The following UBL3 variants were observed in gnomAD, a reference collection of about 807,000 sequenced individuals.
UBL3 encodes the protein ubiquitin-like protein 3.
UBL3 carries 6 observed loss-of-function variants against 18.4 expected under a neutral mutation model. The observed-to-expected ratio is 0.33, with a 90% CI of 0.18 to 0.64. UBL3 has a LOEUF of 0.64. UBL3 is among the 30% of genes least tolerant of loss of function. The probability of loss-of-function intolerance (pLI) is 0.76; values close to 1 mark genes in which losing one functional copy is unlikely to be tolerated. For missense variants in UBL3, 109 were observed against 142.9 expected (o/e 0.76, Z 1.21); for synonymous variants, 49 against 46.6 (o/e 1.05, Z -0.21).
chr13:29,828,384 C>CT (rs769270223), intron 1 of UBL3, among the ~76,000 whole-genome samples: 32 of 152,190 alleles, frequency 2.1e-4, no homozygotes, highest in Admixed American at 1.0e-3. Flanking sequence ...GTTTTTTACT[C>CT]TTTTTTCTCT....
rs1385738849 is a variant in UBL3 at position 29,765,941 on chromosome 13, T to G, written c.*1314A>C. 1 of 152,600 alleles carries G rather than the reference T, an allele frequency of 6.6e-6. No homozygotes were observed. Among genetic ancestry groups the G allele is most frequent in the Non-Finnish European group, 1.5e-5 (1 of 67,992 alleles). The allele number at this position is 152,600 out of a possible 1,614,324, so 9.5% of individuals were successfully genotyped here. A position where few individuals can be genotyped will look rare whatever the true frequency, so the allele number is the denominator to read the frequency against. On this transcript the variant is annotated 3_prime_UTR_variant, in exon 5 of 5. Coordinates refer to ENST00000380680, the MANE Select transcript of UBL3 (RefSeq NM_007106.4). Reference sequence around the variant, plus strand: ...TTTTTATAAAGGCTAAACTTATTTATATGGAATATTGTTCTGTATACTACG... The same window carrying G: ...TTTTTATAAAGGCTAAACTTATTTAGATGGAATATTGTTCTGTATACTACG...
chr13:29,806,994 G>A (rs1484664832), intron 1 of UBL3, among the ~76,000 whole-genome samples: 1 of 151,872 alleles, frequency 6.6e-6, no homozygotes, highest in Non-Finnish European at 1.5e-5. Flanking sequence ...ATAATTATCA[G>A]TTATTCTAAT....
intron 1 of UBL3, among the ~76,000 whole-genome samples, chr13:29,828,993 A>G (rs989317608): frequency 6.6e-6 from 1 of 152,156 alleles, no homozygotes; most frequent in African/African-American, 2.4e-5. Flanking sequence ...AACAGCGAAT[A>G]TTGCTCAAAA....
At chr13:29,820,056 T>C (rs969569557) in intron 1 of UBL3, among the ~76,000 whole-genome samples, 1 of 152,204 alleles carries the variant, frequency 6.6e-6, no homozygotes, top group African/African-American at 2.4e-5. Flanking sequence ...TGGCTTTTTC[T>C]TTCTTTTCTG....
At chr13:29,798,749 A>G (rs1004610035) in intron 1 of UBL3, among the ~76,000 whole-genome samples, 4 of 152,230 alleles carry the variant, frequency 2.6e-5, no homozygotes, top group African/African-American at 7.2e-5. Context: ...TTCTTCTTAA[A>G]TGAGCAAAAT....
intron 2 of UBL3, among the ~76,000 whole-genome samples, chr13:29,775,018 G>A (rs1046312227): frequency 6.6e-6 from 1 of 152,134 alleles, no homozygotes; most frequent in Admixed American, 6.5e-5. Context: ...AGAAAACTGA[G>A]TAACAATTTG....
At chr13:29,812,689 T>C (rs371087580) in intron 1 of UBL3, among the ~76,000 whole-genome samples, 7 of 152,182 alleles carry the variant, frequency 4.6e-5, no homozygotes, top group Non-Finnish European at 8.8e-5. Context: ...GTTTGGAACT[T>C]GGATATATGA....
intron 1 of UBL3, among the ~76,000 whole-genome samples, chr13:29,832,399 C>G (rs748603210): frequency 5.3e-5 from 8 of 150,288 alleles, no homozygotes; most frequent in Admixed American, 4.7e-4. Flanking sequence ...GTGGCGCTAT[C>G]TCGGCTCACT....
At chr13:29,841,233 C>T (rs1021595750) in intron 1 of UBL3, among the ~76,000 whole-genome samples, 11 of 150,054 alleles carry the variant, frequency 7.3e-5, no homozygotes, top group Admixed American at 6.0e-4. Flanking sequence ...ACCAAAAATG[C>T]TACTAGATTT....
chr13:29,849,488 T>A, intron 1 of UBL3, 24 bp downstream of exon 1: 1 of 1,614,060 alleles, frequency 6.2e-7, no homozygotes, highest in Non-Finnish European at 8.5e-7. Flanking sequence ...ATTAAATCAG[T>A]GTCATAACTT....
At chr13:29,823,727 T>C (rs1180521486) in intron 1 of UBL3, among the ~76,000 whole-genome samples, 1 of 152,182 alleles carries the variant, frequency 6.6e-6, no homozygotes, top group African/African-American at 2.4e-5. Context: ...TTATTTTTAT[T>C]ATACTTTAAG....
In UBL3 at chr13:29,793,683, A is replaced by G. The variant is rs75820741; in HGVS notation, c.28-16420T>C. Among the ~76,000 whole-genome samples the G allele has an allele frequency of 9.6e-3, 1,466 of 152,294 alleles. 22 individuals carry two copies. The highest frequency in any genetic ancestry group is 0.034 in the African/African-American group (1,406 of 41,530). On this transcript the variant is annotated intron_variant, in intron 1 of 4. Transcript: ENST00000380680. ...TACAATCCTCAAGAATATGTGAGGG[A>G]TGCCAGAAGTTGCTACCATATATCA...
At chr13:29,837,987 T>G (rs180988476) in intron 1 of UBL3, among the ~76,000 whole-genome samples, 1 of 150,302 alleles carries the variant, frequency 6.7e-6, no homozygotes, top group African/African-American at 2.4e-5. Flanking sequence ...AAGCCAAAGA[T>G]TGACTCAGGA....
intron 2 of UBL3, among the ~76,000 whole-genome samples, chr13:29,775,484 T>G (rs1193609931): frequency 6.6e-6 from 1 of 152,184 alleles, no homozygotes; most frequent in Non-Finnish European, 1.5e-5. Flanking sequence ...CTTTAAAAGT[T>G]CAAATTGCTA....
intron 1 of UBL3, among the ~76,000 whole-genome samples, chr13:29,808,606 T>C (rs778334202): frequency 5.3e-5 from 8 of 152,152 alleles, no homozygotes; most frequent in Non-Finnish European, 7.4e-5. Flanking sequence ...TTTTCATATA[T>C]ATTAATTCTA....
chr13:29,843,881 A>G (rs1879169500), intron 1 of UBL3, among the ~76,000 whole-genome samples: 1 of 152,172 alleles, frequency 6.6e-6, no homozygotes, highest in Non-Finnish European at 1.5e-5. Flanking sequence ...TCCCAAACAC[A>G]TCCGCTAGAT....
intron 1 of UBL3, among the ~76,000 whole-genome samples, chr13:29,842,470 T>C (rs2139369550): frequency 6.6e-6 from 1 of 152,170 alleles, no homozygotes; most frequent in African/African-American, 2.4e-5. Flanking sequence ...TCCCATTCTC[T>C]TTTACTGACA....
chr13:29,767,572 C>T lies in UBL3; in HGVS notation c.301+46G>A, dbSNP rs369010149. ...AGAAAAACCTAGCATTTTTGAATGC[C>T]TGTCTTTGTGCCTCAACTGAGATAC... On this transcript the variant is annotated intron_variant, in intron 4 of 4. Coordinates refer to ENST00000380680, the MANE Select transcript of UBL3 (RefSeq NM_007106.4). The T allele has an allele frequency of 3.3e-5, 52 of 1,591,126 alleles. No homozygotes were observed. The African/African-American group carries it at 7.0e-4, about 21-fold the overall frequency.
chr13:29,834,267 A>T (rs1410604473), intron 1 of UBL3, among the ~76,000 whole-genome samples: 1 of 152,132 alleles, frequency 6.6e-6, no homozygotes, highest in East Asian at 1.9e-4. Flanking sequence ...ACCTAACATG[A>T]AAAATCTGTT....
Sources: gnomAD v4.1 joint callset for allele counts (sites outside exome capture counted in the v4.1 genomes callset) on GRCh38, gnomAD v4.1.1 for gene constraint, MANE v1.5 for transcripts, NCBI Gene and HGNC (gene_info 2026-07-23, HGNC 2026-07-21) for gene names.